Variants in ZNF266 observed in about 807,000 individuals in gnomAD.
The protein encoded by ZNF266 is zinc finger protein 266.
A neutral mutation model predicts 16.4 loss-of-function variants in ZNF266; 16 were observed. The observed-to-expected ratio is 0.98, with a 90% CI of 0.66 to 1.48. The LOEUF (loss-of-function observed/expected upper bound fraction) is 1.48. Ranked by LOEUF, ZNF266 falls within the 40% of genes most tolerant of loss-of-function variation. The pLI is 0.00. For synonymous variants in ZNF266, 262 were observed against 237.9 expected (o/e 1.10, Z -0.93); for missense variants, 738 against 689.1 (o/e 1.07, Z -0.79).
chr19:9,413,718 T>A lies in ZNF266; in HGVS notation c.1408A>T (p.Thr470Ser). 6.2e-7 allele frequency: 1 copy of A among 1,614,242 alleles called. No homozygotes were observed. ...SRLSEHTRTH[T>S]GEKPFECVKC... is the part of the protein sequence containing the mutation. Reference sequence around the variant, plus strand: ...ACACATTCAAAAGGCTTCTCTCCAGTGTGAGTTCTTGTATGTTCACTAAGG... The same window carrying A: ...ACACATTCAAAAGGCTTCTCTCCAGAGTGAGTTCTTGTATGTTCACTAAGG... The change falls in exon 11 of 11, where the codon ACT becomes TCT. Residue 470 changes from threonine (T) to serine (S), a missense_variant. Physicochemically the swap from Thr to Ser is moderately conservative, Grantham distance 58. Coordinates refer to ENST00000592904, the MANE Select transcript of ZNF266 (RefSeq NM_001370374.1).
chr19:9,428,158 A>G (rs944024409), intron 5 of ZNF266, among the ~76,000 whole-genome samples: 5 of 152,118 alleles, frequency 3.3e-5, no homozygotes, highest in African/African-American at 9.7e-5. Flanking sequence ...GTGACTGGCC[A>G]TCTACTGGGC....
intron 3 of ZNF266, among the ~76,000 whole-genome samples, 176 bp downstream of exon 3, chr19:9,434,622 C>T (rs1418906831): frequency 6.6e-6 from 1 of 152,110 alleles, no homozygotes; most frequent in African/African-American, 2.4e-5. Flanking sequence ...ACAATCAAAA[C>T]CATATATTGG....
At chr19:9,415,974 C>T (rs1167814988) in intron 9 of ZNF266, among the ~76,000 whole-genome samples, 3 of 152,076 alleles carry the variant, frequency 2.0e-5, no homozygotes, top group African/African-American at 7.2e-5. Flanking sequence ...CAGGCACATG[C>T]CACAACGCCC....
chr19:9,417,921 A>G lies in ZNF266; in HGVS notation c.236-13T>C. The G allele has an allele frequency of 6.2e-7, 1 of 1,612,990 alleles. No individual in the cohort carries two copies. Among genetic ancestry groups the G allele is most frequent in the South Asian group, 1.1e-5 (1 of 91,050 alleles). On this transcript the variant is annotated splice_polypyrimidine_tract_variant and intron_variant, in intron 8 of 10. Coordinates refer to ENST00000592904, the MANE Select transcript of ZNF266 (RefSeq NM_001370374.1). Reference sequence around the variant, plus strand: ...AAGAGCTGATATCCTGTGCACAAAGAAAGATACATTACCAGAAGAGGCTCA... The same window carrying G: ...AAGAGCTGATATCCTGTGCACAAAGGAAGATACATTACCAGAAGAGGCTCA...
chr19:9,426,873 A>T (rs966067146), intron 5 of ZNF266, among the ~76,000 whole-genome samples: 6 of 152,248 alleles, frequency 3.9e-5, no homozygotes, highest in African/African-American at 1.4e-4. Flanking sequence ...GCCTTGCTTA[A>T]ATCTCCCATT....
chr19:9,413,926 A>G lies in ZNF266; in HGVS notation c.1200T>C (p.Phe400=). ...GATCACTGAGGCATGAGGAATTTCTAAAGGATTTTCCACATATCTTACATT... is the reference window on the plus strand; with the variant it reads ...GATCACTGAGGCATGAGGAATTTCTGAAGGATTTTCCACATATCTTACATT... ...PFECKICGKS[F]RNSSCLSDHF... Residue 400 remains phenylalanine (F), a synonymous_variant, in exon 11 of 11, where the codon TTT becomes TTC. Coordinates refer to ENST00000592904, the MANE Select transcript of ZNF266 (RefSeq NM_001370374.1). 1.9e-6 allele frequency: 3 copies of G among 1,614,096 alleles called. No homozygotes were observed. The highest frequency in any genetic ancestry group is 1.3e-5 in the African/African-American group (1 of 75,018).
chr19:9,434,589 T>A (rs982212872), intron 3 of ZNF266, among the ~76,000 whole-genome samples: 1 of 152,290 alleles, frequency 6.6e-6, no homozygotes. Flanking sequence ...GACATGAAAC[T>A]TGGATACGTA....
chr19:9,413,303 CTTCT>C lies in ZNF266; in HGVS notation c.1819_1822del (p.Arg607GlyfsTer16). 1 of 1,600,608 alleles carries C rather than the reference CTTCT, an allele frequency of 6.2e-7. No individual in the cohort carries two copies. The highest frequency in any genetic ancestry group is 1.3e-5 in the African/African-American group (1 of 74,612). ...TGCTGACAGTCTCTCATCCGCATGCCTTCTTTCATGATTTCGAAAGGAACTGGAA... is the reference window on the plus strand; with the variant it reads ...TGCTGACAGTCTCTCATCCGCATGCCTTCATGATTTCGAAAGGAACTGGAA... On this transcript the variant is annotated frameshift_variant, in exon 11 of 11. Coordinates refer to ENST00000592904, the MANE Select transcript of ZNF266 (RefSeq NM_001370374.1). LOFTEE classifies it low-confidence loss of function (END_TRUNC).
At chr19:9,414,860 G>A in intron 10 of ZNF266, 140 bp from the exon 11 acceptor site, 1 of 981,650 alleles carries the variant, frequency 1.0e-6, no homozygotes, top group Non-Finnish European at 1.4e-6. Flanking sequence ...ATGCCCTTTT[G>A]ATTTCTTTCC....
At chr19:9,414,849 A>G in intron 10 of ZNF266, 129 bp from the exon 11 acceptor site, 1 of 1,077,410 alleles carries the variant, frequency 9.3e-7, no homozygotes, top group Non-Finnish European at 1.3e-6. Flanking sequence ...ACATATAAGT[A>G]ATGCCCTTTT....
chr19:9,420,366 C>T (rs951733146), intron 5 of ZNF266, 148 bp from the exon 6 acceptor site: 11 of 152,382 alleles, frequency 7.2e-5, no homozygotes, highest in African/African-American at 2.6e-4. Context: ...TACTGAGGAA[C>T]AGTGTGTGTC....
intron 9 of ZNF266, 55 bp from the exon 10 acceptor site, chr19:9,415,797 G>T: frequency 7.0e-7 from 1 of 1,436,120 alleles, no homozygotes. Flanking sequence ...GACAGATGGA[G>T]CTGAAAATGA....
At chr19:9,432,164 G>C (rs780162314) in intron 5 of ZNF266, among the ~76,000 whole-genome samples, 6 of 152,060 alleles carry the variant, frequency 3.9e-5, no homozygotes, top group Non-Finnish European at 7.4e-5. Context: ...TCACCATGTT[G>C]GCCAGGCTGG....
chr19:9,418,504 C>G lies in ZNF266; in HGVS notation c.235+1G>C, dbSNP rs2069400289. 1.9e-6 allele frequency: 3 copies of G among 1,614,184 alleles called. No individual in the cohort carries two copies. The highest frequency in any genetic ancestry group is 2.5e-6 in the Non-Finnish European group (3 of 1,180,004). On this transcript the variant is annotated splice_donor_variant, in intron 8 of 10. Coordinates refer to ENST00000592904, the MANE Select transcript of ZNF266 (RefSeq NM_001370374.1). LOFTEE classifies it high-confidence loss of function. The stretch of plus-strand genomic sequence containing the variant: ...GCTACAAGGGATGAGGCCAGTCTTA[C>G]CTACTGTGGCCAAATTCTTGTAGTT...
rs538874648 is a variant in ZNF266, at chr19:9,415,533, C to T, written c.405+121G>A. The T allele has an allele frequency of 4.6e-5, 36 of 780,328 alleles. No individual in the cohort carries two copies. In the East Asian group the frequency reaches 1.1e-3, roughly 24 times the overall value. 48.3% of individuals were successfully genotyped at this position (780,328 alleles called of 1,614,324 possible). Reference sequence around the variant, plus strand: ...CCTCAAGTGATCCTCCCACTTCAGCCTCCCAAAGTGCTGGGATTACAGGTG... The same window carrying T: ...CCTCAAGTGATCCTCCCACTTCAGCTTCCCAAAGTGCTGGGATTACAGGTG... On this transcript the variant is annotated intron_variant, in intron 10 of 10. Transcript: ENST00000592904.
At chr19:9,433,304 T>G (rs1198033477) in intron 5 of ZNF266, among the ~76,000 whole-genome samples, 1 of 152,246 alleles carries the variant, frequency 6.6e-6, no homozygotes, top group East Asian at 1.9e-4. Context: ...GTGAGTTTTC[T>G]GGTCATTTAC....
At chr19:9,418,276 G>C (rs192565208) in intron 8 of ZNF266, among the ~76,000 whole-genome samples, 1 of 152,324 alleles carries the variant, frequency 6.6e-6, no homozygotes, top group Non-Finnish European at 1.5e-5. Flanking sequence ...GTTTCTCACT[G>C]AGTATGTCAA....
chr19:9,415,277 A>G (rs1183024437), intron 10 of ZNF266, among the ~76,000 whole-genome samples: 3 of 152,212 alleles, frequency 2.0e-5, no homozygotes, highest in Non-Finnish European at 4.4e-5. Flanking sequence ...CCTGGGTGAC[A>G]GACCAAGACT....
At chr19:9,427,963 G>C (rs1178068499) in intron 5 of ZNF266, among the ~76,000 whole-genome samples, 1 of 150,600 alleles carries the variant, frequency 6.6e-6, no homozygotes, top group Non-Finnish European at 1.5e-5. Context: ...TTAATGCCTC[G>C]AAGAAAAAAA....
Sources: allele counts gnomAD v4.1 joint callset (sites outside exome capture counted in the v4.1 genomes callset), GRCh38; gene constraint gnomAD v4.1.1; transcripts MANE v1.5; gene names NCBI Gene and HGNC (gene_info 2026-07-23, HGNC 2026-07-21).